The following IGF1R variants were observed in gnomAD, a reference collection of about 807,000 sequenced individuals.
IGF1R encodes the protein insulin like growth factor 1 receptor, also known as insulin-like growth factor 1 receptor.
IGF1R carries 44 observed loss-of-function variants against 144.6 expected under a neutral mutation model. The observed-to-expected ratio is 0.30, with a 90% confidence interval of 0.24 to 0.39. The LOEUF is 0.39. IGF1R is among the 10% of genes least tolerant of loss of function. IGF1R has a pLI of 1.00. For synonymous variants in IGF1R, 795 were observed against 722.8 expected (o/e 1.10, Z -1.60); for missense variants, 1,355 against 1,833.7 (o/e 0.74, Z 4.77).
At chr15:98,749,226 A>G (rs1332640816) in intron 2 of IGF1R, among the ~76,000 whole-genome samples, 1 of 149,224 alleles carries the variant, frequency 6.7e-6, no homozygotes, top group East Asian at 2.0e-4. Context: ...TAATTTGCCT[A>G]TTTTTAAAAT....
At chr15:98,745,573 T>G (rs974351909) in intron 2 of IGF1R, among the ~76,000 whole-genome samples, 1 of 152,242 alleles carries the variant, frequency 6.6e-6, no homozygotes, top group Admixed American at 6.5e-5. Context: ...AGGACACCTC[T>G]GTGGTTTTGT....
Position 98,943,106 on chromosome 15 carries a change from C to G in IGF1R, c.3587+54C>G, listed in dbSNP as rs902778516. The G allele has an allele frequency of 3.7e-6, 6 of 1,601,516 alleles. No homozygotes were observed. The African/African-American group carries it at 5.4e-5, about 14-fold the overall frequency. On this transcript the variant is annotated intron_variant, in intron 19 of 20. Transcript: ENST00000650285. ...CTGGAGCCCCCAGCCTCTGCACTTT[C>G]CACCAGCTCAGTCTCTAGGGCTTTA...
At chr15:98,762,039 T>G (rs1282718767) in intron 2 of IGF1R, among the ~76,000 whole-genome samples, 1 of 152,148 alleles carries the variant, frequency 6.6e-6, no homozygotes, top group East Asian at 1.9e-4. Flanking sequence ...GTTCCCTGTT[T>G]GGGGGCCTGT....
intron 2 of IGF1R, chr15:98,784,454 G>C (rs2055940175): frequency 6.5e-6 from 1 of 153,918 alleles, no homozygotes; most frequent in Admixed American, 6.5e-5. Flanking sequence ...CCCTTAGGTT[G>C]ATGTCAGAAT....
intron 2 of IGF1R, among the ~76,000 whole-genome samples, chr15:98,724,108 G>T (rs2054306880): frequency 2.0e-5 from 3 of 152,092 alleles, no homozygotes; most frequent in Non-Finnish European, 4.4e-5. Context: ...ATCCTTTAAG[G>T]TTATTGTAAA....
At chr15:98,727,389 T>TC (rs1347288750) in intron 2 of IGF1R, among the ~76,000 whole-genome samples, 1 of 152,178 alleles carries the variant, frequency 6.6e-6, no homozygotes, top group African/African-American at 2.4e-5. Flanking sequence ...ATTTTTTTTT[T>TC]CTTGTTTTAT....
rs1396088548 is a variant in IGF1R, at chr15:98,737,655, G to GT, written c.640+29549dup. On this transcript the variant is annotated intron_variant, in intron 2 of 20. Coordinates refer to ENST00000650285, the MANE Select transcript of IGF1R (RefSeq NM_000875.5). ...CATTTTTCTTCTCCCTCTTTGCCCCGTCCCCACAATATCTTAGGGCGAAGA... is the reference window on the plus strand; with the variant it reads ...CATTTTTCTTCTCCCTCTTTGCCCCGTTCCCCACAATATCTTAGGGCGAAGA... Among the ~76,000 whole-genome samples, 4 of 152,124 alleles carry GT rather than the reference G, an allele frequency of 2.6e-5. No individual in the cohort carries two copies. The East Asian group carries it at 7.7e-4, about 29-fold the overall frequency.
chr15:98,702,267 C>T (rs2053755338), intron 1 of IGF1R, among the ~76,000 whole-genome samples: 1 of 152,072 alleles, frequency 6.6e-6, no homozygotes, highest in Admixed American at 6.5e-5. Flanking sequence ...CATTCTGCCT[C>T]TTGATCTTTA....
intron 2 of IGF1R, among the ~76,000 whole-genome samples, chr15:98,829,727 A>G (rs1373115868): frequency 6.6e-6 from 1 of 152,202 alleles, no homozygotes; most frequent in Non-Finnish European, 1.5e-5. Flanking sequence ...TATGACCTTA[A>G]AAATGGGTGA....
intron 2 of IGF1R, among the ~76,000 whole-genome samples, chr15:98,788,789 T>A (rs2056065478): frequency 6.6e-6 from 1 of 152,248 alleles, no homozygotes; most frequent in African/African-American, 2.4e-5. Context: ...CATCTTTGTG[T>A]GAAATACATT....
chr15:98,865,570 G>T (rs2012389739), intron 2 of IGF1R, among the ~76,000 whole-genome samples: 1 of 152,222 alleles, frequency 6.6e-6, no homozygotes, highest in Admixed American at 6.5e-5. Flanking sequence ...AAAGGGAGTG[G>T]GGCCCGGGCG....
chr15:98,651,230 A>G (rs2052357360), intron 1 of IGF1R: 1 of 191,984 alleles, frequency 5.2e-6, no homozygotes, highest in African/African-American at 2.4e-5. Context: ...CTGTTTCTAT[A>G]AACAAATCCT....
chr15:98,949,794 G>A lies in IGF1R; in HGVS notation c.3722+1086G>A, dbSNP rs948206525. Among the ~76,000 whole-genome samples the A allele has an allele frequency of 2.6e-5, 4 of 152,182 alleles. No homozygotes were observed. The East Asian group carries it at 5.8e-4, about 22-fold the overall frequency. The stretch of plus-strand genomic sequence containing the variant: ...TCTCTGCTCAGCGCCCCCTGGAGAA[G>A]CCCCCCTTTTGGTGGAGGACTTGCT... On this transcript the variant is annotated intron_variant, in intron 20 of 20. Coordinates refer to ENST00000650285, the MANE Select transcript of IGF1R (RefSeq NM_000875.5).
At position 98,929,316 on chromosome 15, in the gene IGF1R, T is replaced by G. The variant is rs991658052; in HGVS notation, c.2783-242T>G. On this transcript the variant is annotated intron_variant, in intron 13 of 20. Coordinates refer to ENST00000650285, the MANE Select transcript of IGF1R (RefSeq NM_000875.5). ...TATCATTGAAACTATTGCACCAGAATATACTGTACTTTAAAAAATGAGTAT... is the reference window on the plus strand; with the variant it reads ...TATCATTGAAACTATTGCACCAGAAGATACTGTACTTTAAAAAATGAGTAT... 3.9e-5 allele frequency among the ~76,000 whole-genome samples: 6 copies of G among 152,188 alleles called. No homozygotes were observed. In the East Asian group the frequency reaches 1.2e-3, roughly 29 times the overall value.
chr15:98,922,691 C>T (rs2151691654), intron 11 of IGF1R, among the ~76,000 whole-genome samples: 2 of 152,356 alleles, frequency 1.3e-5, no homozygotes, highest in South Asian at 4.1e-4. Context: ...GCAGGGTCCA[C>T]CCTCCACCTG....
chr15:98,964,361 G>GTA lies in IGF1R; in HGVS notation c.*6920_*6921dup, dbSNP rs2017345324. Reference sequence around the variant, plus strand: ...TCAAAATGTTTTTGTATATTCTGTTGTAAGAATTTATTCCTGTTATTGCGA... The same window carrying GTA: ...TCAAAATGTTTTTGTATATTCTGTTGTATAAGAATTTATTCCTGTTATTGCGA... On this transcript the variant is annotated 3_prime_UTR_variant, in exon 21 of 21. Coordinates refer to ENST00000650285, the MANE Select transcript of IGF1R (RefSeq NM_000875.5). 1 of 230,546 alleles carries GTA rather than the reference G, an allele frequency of 4.3e-6. No individual in the cohort carries two copies. The highest frequency in any genetic ancestry group is 1.8e-4 in the South Asian group (1 of 5,512). 14.3% of individuals were successfully genotyped at this position (230,546 alleles called of 1,614,324 possible).
Position 98,691,066 on chromosome 15 carries a change from G to A in IGF1R, c.95-16496G>A, listed in dbSNP as rs1467451036. Among the ~76,000 whole-genome samples, 5 of 152,260 alleles carry A rather than the reference G, an allele frequency of 3.3e-5. No homozygotes were observed. The East Asian group carries it at 9.7e-4, about 29-fold the overall frequency. On this transcript the variant is annotated intron_variant, in intron 1 of 20. Transcript: ENST00000650285. ...ACAGCTTCGCCTCTGTTAACATTCTGTGTCACCATGGTAATTTGCCACAGC... is the reference window on the plus strand; with the variant it reads ...ACAGCTTCGCCTCTGTTAACATTCTATGTCACCATGGTAATTTGCCACAGC...
chr15:98,830,602 C>CGCCTTTTTTTTTTTTTTTTTT, intron 2 of IGF1R, among the ~76,000 whole-genome samples: 1 of 136,388 alleles, frequency 7.3e-6, no homozygotes, highest in African/African-American at 3.3e-5. Context: ...ATCTGATCAT[C>CGCCTTTTTTTTTTTTTTTTTT]ATCTTTTTTT....
intron 2 of IGF1R, among the ~76,000 whole-genome samples, chr15:98,717,258 G>A (rs1463829081): frequency 6.6e-6 from 1 of 152,140 alleles, no homozygotes; most frequent in Non-Finnish European, 1.5e-5. Context: ...AGTGAGACAG[G>A]AATAGGACAG....
Sources: gnomAD v4.1 joint callset for allele counts (sites outside exome capture counted in the v4.1 genomes callset) on GRCh38, gnomAD v4.1.1 for gene constraint, MANE v1.5 for transcripts, NCBI Gene and HGNC (gene_info 2026-07-23, HGNC 2026-07-21) for gene names.